The following RIMS2 variants were observed in gnomAD, a reference collection of about 807,000 sequenced individuals.
RIMS2 encodes the protein regulating synaptic membrane exocytosis protein 2.
Under a neutral mutation model 174.4 loss-of-function variants are expected in RIMS2, and 59 were observed. The observed-to-expected ratio is 0.34, with a 90% confidence interval of 0.27 to 0.42. The LOEUF (loss-of-function observed/expected upper bound fraction) is 0.42. Among genes scored for constraint, RIMS2 ranks in the 10% least tolerant of loss-of-function variants. The probability of loss-of-function intolerance (pLI) is 1.00; values close to 1 mark genes in which losing one functional copy is unlikely to be tolerated. For missense variants in RIMS2, 1,620 were observed against 1,666.3 expected (o/e 0.97, Z 0.48); for synonymous variants, 606 against 572.5 (o/e 1.06, Z -0.84).
At chr8:104,124,020 C>A (rs987587837) in intron 19 of RIMS2, among the ~76,000 whole-genome samples, 1 of 151,934 alleles carries the variant, frequency 6.6e-6, no homozygotes, top group Non-Finnish European at 1.5e-5. Context: ...GCAATTACAC[C>A]AACTGCTATA....
intron 1 of RIMS2, among the ~76,000 whole-genome samples, chr8:103,651,695 G>T (rs2096455369): frequency 6.6e-6 from 1 of 151,950 alleles, no homozygotes; most frequent in Non-Finnish European, 1.5e-5. Context: ...TATTTTAAGA[G>T]AGTTTGGATA....
chr8:103,502,159 C>T (rs1820521915), intron 1 of RIMS2, among the ~76,000 whole-genome samples: 1 of 152,086 alleles, frequency 6.6e-6, no homozygotes, highest in African/African-American at 2.4e-5. Flanking sequence ...ATACGTTTCC[C>T]ATATTCTCCA....
At chr8:103,636,624 T>C (rs1027309311) in intron 1 of RIMS2, among the ~76,000 whole-genome samples, 1 of 152,094 alleles carries the variant, frequency 6.6e-6, no homozygotes, top group African/African-American at 2.4e-5. Flanking sequence ...TTGGGTCAGG[T>C]TGTTTTCCTG....
chr8:103,894,367 C>CA (rs765786738), intron 4 of RIMS2, among the ~76,000 whole-genome samples: 36 of 151,512 alleles, frequency 2.4e-4, no homozygotes, highest in Non-Finnish European at 3.4e-4. Context: ...AATGTGAATA[C>CA]AAAGAAACCT....
chr8:103,517,083 T>A (rs1454314280), intron 1 of RIMS2, among the ~76,000 whole-genome samples: 1 of 152,238 alleles, frequency 6.6e-6, no homozygotes, highest in Non-Finnish European at 1.5e-5. Flanking sequence ...ACACAGTCTC[T>A]GCCCTTGAGG....
At chr8:104,159,367 G>A (rs567356256) in intron 19 of RIMS2, among the ~76,000 whole-genome samples, 5 of 152,212 alleles carry the variant, frequency 3.3e-5, no homozygotes, top group East Asian at 3.9e-4. Flanking sequence ...TAGGATTATC[G>A]TGGCTATGCA....
At chr8:104,161,934 C>T (rs1254616238) in intron 19 of RIMS2, among the ~76,000 whole-genome samples, 2 of 152,166 alleles carry the variant, frequency 1.3e-5, no homozygotes, top group Non-Finnish European at 1.5e-5. Context: ...CTTTCTTGTG[C>T]ATTTAATCTC....
chr8:103,967,788 A>G (rs574210158), intron 15 of RIMS2, among the ~76,000 whole-genome samples: 1 of 148,846 alleles, frequency 6.7e-6, no homozygotes, highest in African/African-American at 2.5e-5. Context: ...GTCCTTCTTT[A>G]TCCCTGATAA....
intron 19 of RIMS2, among the ~76,000 whole-genome samples, chr8:104,024,166 G>T (rs2096187612): frequency 3.3e-5 from 5 of 152,126 alleles, no homozygotes; most frequent in Admixed American, 3.3e-4. Flanking sequence ...ATACATGAAG[G>T]ATATGTGGGA....
chr8:104,079,234 T>A (rs1338854273), intron 19 of RIMS2, among the ~76,000 whole-genome samples: 2 of 152,088 alleles, frequency 1.3e-5, no homozygotes, highest in Non-Finnish European at 2.9e-5. Context: ...TGTAGATAAG[T>A]TGCAGGCAGC....
At chr8:103,961,780 T>G (rs1253346963) in intron 15 of RIMS2, among the ~76,000 whole-genome samples, 1 of 152,172 alleles carries the variant, frequency 6.6e-6, no homozygotes, top group Non-Finnish European at 1.5e-5. Context: ...ATGACTAATT[T>G]TACTCTAAAC....
intron 19 of RIMS2, among the ~76,000 whole-genome samples, chr8:104,153,184 G>A (rs913782334): frequency 5.3e-5 from 8 of 152,026 alleles, no homozygotes. Flanking sequence ...CCTGTTAATT[G>A]GAAACTCATC....
chr8:104,163,555 A>G (rs2098777450), intron 19 of RIMS2, among the ~76,000 whole-genome samples: 1 of 152,200 alleles, frequency 6.6e-6, no homozygotes, highest in Admixed American at 6.5e-5. Context: ...TTGATTTAAA[A>G]TCAACCGTGT....
At chr8:103,844,739 A>T (rs2098958971) in intron 3 of RIMS2, among the ~76,000 whole-genome samples, 1 of 147,862 alleles carries the variant, frequency 6.8e-6, no homozygotes, top group Non-Finnish European at 1.5e-5. Context: ...CTTTTTGGTT[A>T]AGAAGAGACA....
At chr8:103,670,648 A>G (rs555786146) in intron 1 of RIMS2, among the ~76,000 whole-genome samples, 2 of 152,308 alleles carry the variant, frequency 1.3e-5, no homozygotes, top group Admixed American at 1.3e-4. Context: ...CAGGGACAAA[A>G]TGTTGCCAGT....
intron 3 of RIMS2, among the ~76,000 whole-genome samples, chr8:103,837,656 C>T (rs1432230384): frequency 6.6e-6 from 1 of 152,130 alleles, no homozygotes; most frequent in Non-Finnish European, 1.5e-5. Flanking sequence ...ATGATGGTTT[C>T]CAGCTTCATC....
chr8:103,749,415 T>C (rs2139657784), intron 2 of RIMS2, among the ~76,000 whole-genome samples: 1 of 152,314 alleles, frequency 6.6e-6, no homozygotes, highest in African/African-American at 2.4e-5. Flanking sequence ...CCTGGCCACT[T>C]TCTATTTTAA....
At chr8:103,600,761 A>G (rs2094697595) in intron 1 of RIMS2, among the ~76,000 whole-genome samples, 1 of 152,104 alleles carries the variant, frequency 6.6e-6, no homozygotes, top group Non-Finnish European at 1.5e-5. Flanking sequence ...AGTTTTTTTG[A>G]GGAACCTGGA....
chr8:104,232,652 C>A (rs994644825), intron 19 of RIMS2, among the ~76,000 whole-genome samples: 1 of 152,148 alleles, frequency 6.6e-6, no homozygotes, highest in African/African-American at 2.4e-5. Flanking sequence ...GGACTCATGG[C>A]AAATCACTAC....
Sources: gnomAD v4.1 joint callset for allele counts (sites outside exome capture counted in the v4.1 genomes callset) on GRCh38, gnomAD v4.1.1 for gene constraint, MANE v1.5 for transcripts, NCBI Gene and HGNC (gene_info 2026-07-23, HGNC 2026-07-21) for gene names.